GRHL2: variants seen among roughly 807,000 people sequenced by gnomAD.
GRHL2 encodes grainyhead-like protein 2 homolog.
GRHL2 carries 21 observed loss-of-function variants against 83.8 expected under a neutral mutation model. The ratio of observed to expected loss-of-function variants is 0.25; its 90% CI spans 0.18 to 0.36. GRHL2 has a LOEUF of 0.36. Ranked by LOEUF, GRHL2 falls within the 10% of genes least tolerant of loss-of-function variation. The probability of loss-of-function intolerance (pLI) is 1.00; values close to 1 mark genes in which losing one functional copy is unlikely to be tolerated. For missense variants in GRHL2, 623 were observed against 781.8 expected (o/e 0.80, Z 2.42); for synonymous variants, 280 against 278.9 (o/e 1.00, Z -0.04).
At chr8:101,505,198 C>CTT (rs995942159) in intron 1 of GRHL2, among the ~76,000 whole-genome samples, 6 of 152,118 alleles carry the variant, frequency 3.9e-5, no homozygotes, top group African/African-American at 1.4e-4. Context: ...CTCCCCCATC[C>CTT]TTTTCTTCAT....
intron 3 of GRHL2, among the ~76,000 whole-genome samples, chr8:101,554,246 C>A (rs941134589): frequency 6.6e-6 from 1 of 152,208 alleles, no homozygotes; most frequent in Non-Finnish European, 1.5e-5. Flanking sequence ...AAGCTCCACA[C>A]TGCCCTGGAG....
At chr8:101,623,385 A>G (rs1314104909) in intron 9 of GRHL2, among the ~76,000 whole-genome samples, 1 of 152,002 alleles carries the variant, frequency 6.6e-6, no homozygotes, top group Non-Finnish European at 1.5e-5. Flanking sequence ...AAGACAGTTC[A>G]CGGTACCCAG....
chr8:101,526,525 CTTTTT>C (rs33928032), intron 1 of GRHL2, among the ~76,000 whole-genome samples: 12 of 109,652 alleles, frequency 1.1e-4, no homozygotes, highest in Admixed American at 2.0e-4. Flanking sequence ...TCTTTTTTTC[CTTTTT>C]TTTTTTTTTT....
chr8:101,618,506 A>C (rs1365888217), intron 8 of GRHL2, among the ~76,000 whole-genome samples: 1 of 152,178 alleles, frequency 6.6e-6, no homozygotes. Flanking sequence ...GTATATTTGT[A>C]TCTACATTTT....
intron 7 of GRHL2, among the ~76,000 whole-genome samples, chr8:101,580,936 CT>C (rs1812039969): frequency 6.6e-6 from 1 of 152,126 alleles, no homozygotes; most frequent in African/African-American, 2.4e-5. Context: ...ATCTCCTGAC[CT>C]CGTGATCTGC....
chr8:101,576,183 G>A (rs1359803876), intron 6 of GRHL2, among the ~76,000 whole-genome samples: 1 of 152,290 alleles, frequency 6.6e-6, no homozygotes, highest in South Asian at 2.1e-4. Context: ...CTACTAATGT[G>A]TAAACTGCTA....
chr8:101,564,028 T>C (rs1443321595), intron 4 of GRHL2, among the ~76,000 whole-genome samples: 2 of 152,228 alleles, frequency 1.3e-5, no homozygotes, highest in East Asian at 1.9e-4. Context: ...GTTTGTATTG[T>C]AGATAAAGAG....
intron 1 of GRHL2, among the ~76,000 whole-genome samples, chr8:101,524,624 T>C (rs1416242377): frequency 5.3e-5 from 8 of 152,206 alleles, no homozygotes; most frequent in African/African-American, 1.4e-4. Context: ...TCAAAACATA[T>C]AGTCTTTAAA....
At chr8:101,513,644 G>A (rs1034454460) in intron 1 of GRHL2, among the ~76,000 whole-genome samples, 5 of 151,450 alleles carry the variant, frequency 3.3e-5, no homozygotes, top group Admixed American at 6.6e-5. Flanking sequence ...ACAGGTGCCC[G>A]CCAACACACC....
rs1812044374 is a variant in GRHL2 at position 101,581,086 on chromosome 8, C to T, written c.1003+3567C>T. Among the ~76,000 whole-genome samples the T allele has an allele frequency of 2.0e-5, 3 of 152,216 alleles. No homozygotes were observed. The South Asian group carries it at 6.2e-4, about 32-fold the overall frequency. On this transcript the variant is annotated intron_variant, in intron 7 of 15. Transcript: ENST00000646743. The stretch of plus-strand genomic sequence containing the variant: ...CAGCCTCTAGCCAGTTCTTGGCACC[C>T]ACCAGGCCCTGTCTACATGGAGAGA...
intron 5 of GRHL2, among the ~76,000 whole-genome samples, chr8:101,571,048 A>C (rs1811810380): frequency 6.6e-6 from 1 of 152,262 alleles, no homozygotes; most frequent in African/African-American, 2.4e-5. Flanking sequence ...GGGATAAGAT[A>C]TAATCTCTCC....
At chr8:101,627,414 C>G (rs763938476) in intron 9 of GRHL2, among the ~76,000 whole-genome samples, 1 of 152,024 alleles carries the variant, frequency 6.6e-6, no homozygotes, top group African/African-American at 2.4e-5. Flanking sequence ...TCCAACTGCA[C>G]CCATATAAGA....
intron 7 of GRHL2, among the ~76,000 whole-genome samples, chr8:101,589,871 C>A (rs1391144806): frequency 6.6e-6 from 1 of 152,108 alleles, no homozygotes; most frequent in Non-Finnish European, 1.5e-5. Flanking sequence ...GCTCATCTGG[C>A]TGTGTAGCAG....
intron 7 of GRHL2, among the ~76,000 whole-genome samples, chr8:101,597,262 G>A (rs1435658118): frequency 6.6e-6 from 1 of 152,170 alleles, no homozygotes; most frequent in Non-Finnish European, 1.5e-5. Context: ...GTACCAGAGA[G>A]CAGAGACCAC....
intron 4 of GRHL2, among the ~76,000 whole-genome samples, chr8:101,559,420 C>G (rs1811561180): frequency 6.8e-6 from 1 of 146,598 alleles, no homozygotes; most frequent in South Asian, 2.1e-4. Context: ...ATTCCAGATA[C>G]TTGGGAGGCT....
intron 6 of GRHL2, 85 bp from the exon 7 acceptor site, chr8:101,577,323 A>C (rs1036619872): frequency 2.4e-6 from 2 of 833,588 alleles, no homozygotes; most frequent in Non-Finnish European, 4.1e-6. Context: ...ACACAAACAC[A>C]CCTCTGGTAG....
At chr8:101,573,357 A>G in intron 5 of GRHL2, among the ~76,000 whole-genome samples, 1 of 152,032 alleles carries the variant, frequency 6.6e-6, no homozygotes, top group South Asian at 2.1e-4. Flanking sequence ...TTCAAGCATT[A>G]CCTAATTGCC....
At chr8:101,542,778 T>C (rs1256539547) in intron 1 of GRHL2, 1 of 456,594 alleles carries the variant, frequency 2.2e-6, no homozygotes, top group African/African-American at 2.0e-5. Context: ...CATCATCTTA[T>C]GGGGAAAGAT....
chr8:101,500,860 A>C (rs1015197626), intron 1 of GRHL2, among the ~76,000 whole-genome samples: 60 of 152,246 alleles, frequency 3.9e-4, no homozygotes, highest in African/African-American at 1.4e-3. Context: ...GTAAAAAAAA[A>C]AAAAAGTACT....
Sources: allele counts gnomAD v4.1 joint callset (sites outside exome capture counted in the v4.1 genomes callset), GRCh38; gene constraint gnomAD v4.1.1; transcripts MANE v1.5; gene names NCBI Gene and HGNC (gene_info 2026-07-23, HGNC 2026-07-21).